Variants in ADGRL3 observed in about 807,000 individuals in gnomAD.
ADGRL3 encodes calcium-independent alpha-latrotoxin receptor 3.
A neutral mutation model predicts 153.5 loss-of-function variants in ADGRL3; 62 were observed. That is an observed-to-expected ratio of 0.40 (90% confidence interval 0.33 to 0.50). The LOEUF is 0.50. ADGRL3 is among the 20% of genes least tolerant of loss of function. The pLI, the probability that ADGRL3 is intolerant of heterozygous loss-of-function variation, is 0.47. For missense variants in ADGRL3, 1,641 were observed against 1,859.4 expected, an observed-to-expected ratio of 0.88 and a Z score of 2.16; for synonymous variants, 710 against 672.5, an observed-to-expected ratio of 1.06 and a Z score of -0.86.
intron 8 of ADGRL3, among the ~76,000 whole-genome samples, chr4:61,737,439 T>C (rs1364486030): frequency 2.0e-5 from 3 of 152,186 alleles, no homozygotes; most frequent in African/African-American, 7.2e-5. Context: ...TGGTTACACA[T>C]AGGTAGCATA....
At chr4:62,054,276 C>T (rs942457913) in intron 25 of ADGRL3, among the ~76,000 whole-genome samples, 1 of 151,636 alleles carries the variant, frequency 6.6e-6, no homozygotes, top group Non-Finnish European at 1.5e-5. Context: ...ATGGCTTTGA[C>T]TACAAAAGAT....
chr4:61,612,039 T>A (rs993803808), intron 5 of ADGRL3, among the ~76,000 whole-genome samples: 1 of 152,142 alleles, frequency 6.6e-6, no homozygotes, highest in African/African-American at 2.4e-5. Flanking sequence ...AATGGAAATT[T>A]GGTCATTTGA....
intron 2 of ADGRL3, among the ~76,000 whole-genome samples, chr4:61,431,810 C>A (rs1560621328): frequency 6.6e-6 from 1 of 152,144 alleles, no homozygotes; most frequent in Non-Finnish European, 1.5e-5. Context: ...AGATTAAACT[C>A]TTAAATAACA....
intron 1 of ADGRL3, among the ~76,000 whole-genome samples, 169 bp from the exon 2 acceptor site, chr4:61,382,955 T>G (rs1186046670): frequency 6.6e-6 from 1 of 151,888 alleles, no homozygotes; most frequent in Non-Finnish European, 1.5e-5. Flanking sequence ...ATCTGCATCC[T>G]AAATTTCCTC....
chr4:61,885,200 G>C (rs893932118), intron 9 of ADGRL3, among the ~76,000 whole-genome samples: 1 of 151,862 alleles, frequency 6.6e-6, no homozygotes, highest in Non-Finnish European at 1.5e-5. Context: ...CGCTTGGCGC[G>C]CGCCTGTAAT....
chr4:61,658,273 C>A (rs115069767), intron 5 of ADGRL3, among the ~76,000 whole-genome samples: 1,555 of 152,218 alleles, frequency 0.01, 30 homozygotes, highest in African/African-American at 0.035. Context: ...GCCTTCAGGC[C>A]TGTGCTGTAC....
At chr4:61,281,745 G>A (rs986075546) in intron 1 of ADGRL3, among the ~76,000 whole-genome samples, 3 of 152,034 alleles carry the variant, frequency 2.0e-5, no homozygotes, top group African/African-American at 4.8e-5. Context: ...TGCTTGTCCC[G>A]TTAAAATCTT....
chr4:61,547,888 T>A (rs1480324448), intron 4 of ADGRL3, among the ~76,000 whole-genome samples: 1 of 152,090 alleles, frequency 6.6e-6, no homozygotes, highest in Non-Finnish European at 1.5e-5. Context: ...ATAAGTGTTC[T>A]CTTTTCTCTG....
chr4:61,237,481 T>C (rs1345504008), intron 1 of ADGRL3, among the ~76,000 whole-genome samples: 1 of 152,102 alleles, frequency 6.6e-6, no homozygotes, highest in Non-Finnish European at 1.5e-5. Context: ...ACAAACAAAA[T>C]CTAAATCTTT....
At chr4:61,811,684 A>G (rs777995380) in intron 8 of ADGRL3, among the ~76,000 whole-genome samples, 3 of 152,152 alleles carry the variant, frequency 2.0e-5, no homozygotes, top group Non-Finnish European at 2.9e-5. Flanking sequence ...GTGTGTCTAT[A>G]TCTCCATATA....
At chr4:61,330,363 G>GA (rs1382126001) in intron 1 of ADGRL3, among the ~76,000 whole-genome samples, 2 of 151,948 alleles carry the variant, frequency 1.3e-5, no homozygotes, top group African/African-American at 4.8e-5. Flanking sequence ...AGCTCAAATA[G>GA]AAAAAAGGTA....
chr4:61,774,937 G>A (rs1220435003), intron 8 of ADGRL3, among the ~76,000 whole-genome samples: 3 of 152,122 alleles, frequency 2.0e-5, no homozygotes, highest in Admixed American at 6.5e-5. Context: ...TTTATTATGT[G>A]GATTCTTCTG....
intron 6 of ADGRL3, among the ~76,000 whole-genome samples, chr4:61,692,373 A>G (rs1324612933): frequency 6.6e-6 from 1 of 151,558 alleles, no homozygotes; most frequent in Non-Finnish European, 1.5e-5. Flanking sequence ...CAAAGTATGT[A>G]CTGGTTGCTT....
At chr4:61,711,460 A>C (rs73823206) in intron 6 of ADGRL3, among the ~76,000 whole-genome samples, 12 of 27,508 alleles carry the variant, frequency 4.4e-4, no homozygotes, top group African/African-American at 2.8e-3. Flanking sequence ...ATGCTTCATT[A>C]TATATATATA....
chr4:61,249,520 C>G (rs1172291907), intron 1 of ADGRL3, among the ~76,000 whole-genome samples: 1 of 150,752 alleles, frequency 6.6e-6, no homozygotes, highest in Non-Finnish European at 1.5e-5. Context: ...CTACACCTAC[C>G]TCATCTACAT....
chr4:61,889,267 G>A (rs116700367), intron 9 of ADGRL3, among the ~76,000 whole-genome samples: 3 of 152,342 alleles, frequency 2.0e-5, no homozygotes, highest in Non-Finnish European at 4.4e-5. Context: ...CAGTTAGTTA[G>A]CCAGGTGAAA....
intron 13 of ADGRL3, among the ~76,000 whole-genome samples, chr4:61,919,141 G>T (rs1409262965): frequency 6.6e-6 from 1 of 152,134 alleles, no homozygotes; most frequent in East Asian, 1.9e-4. Context: ...CCTTGTTAAA[G>T]TGGCTAGAAT....
chr4:62,006,597 A>C (rs1488027646), intron 21 of ADGRL3, among the ~76,000 whole-genome samples: 1 of 140,592 alleles, frequency 7.1e-6, no homozygotes, highest in African/African-American at 2.7e-5. Context: ...TTTTTTTTGC[A>C]TTTAGTGTTA....
At chr4:61,480,094 A>C (rs577604028) in intron 2 of ADGRL3, among the ~76,000 whole-genome samples, 12 of 152,274 alleles carry the variant, frequency 7.9e-5, no homozygotes, top group African/African-American at 1.9e-4. Flanking sequence ...TAATGGTAGT[A>C]CTACCATACT....
Sources: allele counts gnomAD v4.1 joint callset (sites outside exome capture counted in the v4.1 genomes callset), GRCh38; gene constraint gnomAD v4.1.1; transcripts MANE v1.5; gene names NCBI Gene and HGNC (gene_info 2026-07-23, HGNC 2026-07-21).